RAI14: variants seen among roughly 807,000 people sequenced by gnomAD.
The protein encoded by RAI14 is retinoic acid induced 14, also known as ankycorbin.
Under a neutral mutation model 115.4 loss-of-function variants are expected in RAI14, and 45 were observed. That is an observed-to-expected ratio of 0.39 (90% confidence interval 0.31 to 0.50). The LOEUF is 0.50. Among genes scored for constraint, RAI14 ranks in the 20% least tolerant of loss-of-function variants. RAI14 has a pLI of 0.85. For synonymous variants in RAI14, 371 were observed against 415.4 expected (o/e 0.89, Z 1.30); for missense variants, 939 against 1,131.2 (o/e 0.83, Z 2.44).
At chr5:34,817,052 TG>T (rs1478427902) in intron 12 of RAI14, among the ~76,000 whole-genome samples, 9 of 151,288 alleles carry the variant, frequency 5.9e-5, no homozygotes, top group Admixed American at 5.3e-4. Flanking sequence ...CCAAAGCGGG[TG>T]GATCATGAGG....
At chr5:34,749,601 A>G (rs1211526823) in intron 2 of RAI14, among the ~76,000 whole-genome samples, 3 of 152,260 alleles carry the variant, frequency 2.0e-5, no homozygotes, top group Non-Finnish European at 4.4e-5. Context: ...CCAAGCTTCA[A>G]GAGAAAACCT....
rs368930670 is a variant in RAI14 at position 34,665,196 on chromosome 5, TATAC to T, written c.-49+8723_-49+8726del. ...ATACACACATATATATATGTATATA[TATAC>T]ACACACCACAGTTTCTTTATCCACT... On this transcript the variant is annotated intron_variant, in intron 1 of 17. Coordinates refer to ENST00000265109, the MANE Select transcript of RAI14 (RefSeq NM_015577.3). Among the ~76,000 whole-genome samples, 314 of 97,688 alleles carry T rather than the reference TATAC, an allele frequency of 3.2e-3. 60 individuals carry two copies. Among genetic ancestry groups the T allele is most frequent in the Middle Eastern group, 5.6e-3 (1 of 180 alleles). The allele number at this position is 97,688 out of a possible 152,430, so 64.1% of individuals were successfully genotyped here.
intron 1 of RAI14, among the ~76,000 whole-genome samples, chr5:34,684,099 TTG>T (rs1491496063): frequency 1.2e-4 from 18 of 152,258 alleles, no homozygotes; most frequent in African/African-American, 4.3e-4. Context: ...CCAGCGACAG[TTG>T]GGGAATATCT....
In RAI14 at chr5:34,814,630, G is replaced by A. The variant is rs1194736158; in HGVS notation, c.900G>A (p.Ser300=). ...SPRSITSTPL[S]GKESVFFAEP... ...GATCAATAACTTCGACTCCACTATC[G>A]GGAAAGGAATCGGTATTTTTTGCTG... Residue 300 remains serine, a synonymous_variant, in exon 12 of 18, where the codon TCG becomes TCA. Coordinates refer to ENST00000265109, the MANE Select transcript of RAI14 (RefSeq NM_015577.3). 10 of 1,613,314 alleles carry A rather than the reference G, an allele frequency of 6.2e-6. No homozygotes were observed. Among genetic ancestry groups the A allele is most frequent in the Admixed American group, 1.7e-5 (1 of 59,972 alleles).
chr5:34,734,801 C>T (rs566426147), intron 2 of RAI14, among the ~76,000 whole-genome samples: 1 of 152,154 alleles, frequency 6.6e-6, no homozygotes, highest in South Asian at 2.1e-4. Flanking sequence ...GCTGGGATTA[C>T]AGGCACATAC....
In RAI14 at chr5:34,814,573, T is replaced by C; in HGVS notation, c.853-10T>C. ...CTTTATTAATGATTTTCATTTTGTT[T>C]CTTTTTTAGTTGAGTGATGTCTCTT... On this transcript the variant is annotated splice_polypyrimidine_tract_variant and intron_variant, in intron 11 of 17. Transcript: ENST00000265109. 1.3e-6 allele frequency: 2 copies of C among 1,598,658 alleles called. No homozygotes were observed. Among genetic ancestry groups the C allele is most frequent in the Non-Finnish European group, 1.7e-6 (2 of 1,166,122 alleles).
chr5:34,821,922 A>G (rs1291576610), intron 14 of RAI14, 72 bp downstream of exon 14: 8 of 796,140 alleles, frequency 1.0e-5, no homozygotes, highest in African/African-American at 1.8e-5. Context: ...AGTCAGATGT[A>G]TTTTGTTTTA....
chr5:34,737,384 TA>T (rs1278262363), intron 2 of RAI14, among the ~76,000 whole-genome samples: 1 of 152,156 alleles, frequency 6.6e-6, no homozygotes, highest in Non-Finnish European at 1.5e-5. Context: ...GATTGGTTTT[TA>T]AAAATACTGT....
At chr5:34,766,720 G>A (rs1749425351) in intron 3 of RAI14, among the ~76,000 whole-genome samples, 1 of 152,202 alleles carries the variant, frequency 6.6e-6, no homozygotes, top group African/African-American at 2.4e-5. Flanking sequence ...GGGAAGGCAT[G>A]ACTGATTTTG....
intron 2 of RAI14, among the ~76,000 whole-genome samples, chr5:34,719,388 C>A (rs915643530): frequency 6.6e-6 from 1 of 152,218 alleles, no homozygotes; most frequent in Non-Finnish European, 1.5e-5. Flanking sequence ...CTGCCACCTT[C>A]CATCCATTGA....
intron 2 of RAI14, among the ~76,000 whole-genome samples, chr5:34,697,773 A>G (rs1739445911): frequency 6.6e-6 from 1 of 152,210 alleles, no homozygotes; most frequent in Admixed American, 6.5e-5. Flanking sequence ...AATTTATAAA[A>G]TTGTGCAATA....
At chr5:34,736,405 TA>T (rs1744883709) in intron 2 of RAI14, among the ~76,000 whole-genome samples, 2 of 151,824 alleles carry the variant, frequency 1.3e-5, no homozygotes, top group Non-Finnish European at 2.9e-5. Context: ...CATCTCAAAA[TA>T]AAAATCAAAA....
chr5:34,817,477 C>G (rs909352202), intron 12 of RAI14, among the ~76,000 whole-genome samples: 1 of 151,786 alleles, frequency 6.6e-6, no homozygotes, highest in Non-Finnish European at 1.5e-5. Flanking sequence ...TATGATCCAG[C>G]CATCCACTCA....
chr5:34,777,586 C>T (rs1751026983), intron 3 of RAI14, among the ~76,000 whole-genome samples: 1 of 152,116 alleles, frequency 6.6e-6, no homozygotes, highest in South Asian at 2.1e-4. Flanking sequence ...TTGAGACCAG[C>T]CTGACCAACA....
chr5:34,811,665 C>T (rs1209129395), intron 8 of RAI14, 102 bp from the exon 9 acceptor site: 2 of 1,019,406 alleles, frequency 2.0e-6, no homozygotes, highest in Non-Finnish European at 2.8e-6. Flanking sequence ...AAAGGTTTAA[C>T]TGCACTTAAT....
intron 2 of RAI14, among the ~76,000 whole-genome samples, chr5:34,702,904 C>T (rs1297161729): frequency 1.3e-5 from 2 of 152,166 alleles, no homozygotes; most frequent in African/African-American, 4.8e-5. Flanking sequence ...CGGGGTTTCT[C>T]CATATTGGTC....
intron 16 of RAI14, 41 bp downstream of exon 16, chr5:34,826,520 G>C: frequency 6.3e-7 from 1 of 1,591,192 alleles, no homozygotes; most frequent in Non-Finnish European, 8.6e-7. Context: ...GGGGTGGAGG[G>C]CCTGGCAGAT....
At chr5:34,716,503 C>T (rs556857120) in intron 2 of RAI14, among the ~76,000 whole-genome samples, 18 of 152,112 alleles carry the variant, frequency 1.2e-4, no homozygotes, top group African/African-American at 4.3e-4. Flanking sequence ...ACCTCCACCT[C>T]CTGGGTTCAA....
At chr5:34,716,566 C>A (rs998087327) in intron 2 of RAI14, among the ~76,000 whole-genome samples, 1 of 152,028 alleles carries the variant, frequency 6.6e-6, no homozygotes, top group Non-Finnish European at 1.5e-5. Context: ...GTGCGTGCCA[C>A]CATGCCTGGT....
Sources: allele counts gnomAD v4.1 joint callset (sites outside exome capture counted in the v4.1 genomes callset), GRCh38; gene constraint gnomAD v4.1.1; transcripts MANE v1.5; gene names NCBI Gene and HGNC (gene_info 2026-07-23, HGNC 2026-07-21).